Variants in HGSNAT observed in about 807,000 individuals in gnomAD.
HGSNAT encodes the protein heparan-alpha-glucosaminide N-acetyltransferase.
HGSNAT carries 59 observed loss-of-function variants against 85.2 expected under a neutral mutation model. The observed-to-expected ratio is 0.69, with a 90% confidence interval of 0.56 to 0.86. HGSNAT has a LOEUF of 0.86. Ranked by LOEUF, HGSNAT falls within the 40% of genes least tolerant of loss-of-function variation. HGSNAT has a pLI of 0.00. For missense variants in HGSNAT, 756 were observed against 777.1 expected (o/e 0.97, Z 0.32); for synonymous variants, 321 against 304.5 (o/e 1.05, Z -0.56).
rs1409770883 is a variant in HGSNAT at position 43,146,398 on chromosome 8, C to T, written c.119-550C>T. ...TCTGCATTTCTAACAAGCTGCCTGG[C>T]TACAATCGCAGCTCAGTAACGTGGT... On this transcript the variant is annotated intron_variant, in intron 1 of 17. Transcript: ENST00000379644. 3.3e-5 allele frequency among the ~76,000 whole-genome samples: 5 copies of T among 152,286 alleles called. No homozygotes were observed. The East Asian group carries it at 9.6e-4, about 29-fold the overall frequency.
chr8:43,154,709 T>G (rs1364584840), intron 2 of HGSNAT, among the ~76,000 whole-genome samples: 1 of 152,156 alleles, frequency 6.6e-6, no homozygotes, highest in Non-Finnish European at 1.5e-5. Flanking sequence ...GGTAATCCAG[T>G]AAAGGGATGG....
At chr8:43,152,881 T>C (rs1359623215) in intron 2 of HGSNAT, among the ~76,000 whole-genome samples, 1 of 152,218 alleles carries the variant, frequency 6.6e-6, no homozygotes, top group East Asian at 1.9e-4. Context: ...TTAATTTCTA[T>C]TAATATGTAA....
At position 43,194,456 on chromosome 8, in the gene HGSNAT, T is replaced by G. The variant is rs143137876; in HGVS notation, c.1464+613T>G. 2,871 of 985,362 alleles carry G rather than the reference T, an allele frequency of 2.9e-3. 6 individuals are homozygous for G. Among genetic ancestry groups the G allele is most frequent in the Admixed American group, 3.7e-3 (60 of 16,276 alleles). 61.0% of individuals were successfully genotyped at this position (985,362 alleles called of 1,614,324 possible). A position where few individuals can be genotyped will look rare whatever the true frequency, so the allele number is the denominator to read the frequency against. ...GCAGAGTGTGTGGGTATTGGTAACA[T>G]TGGGAAGTCACTGTGTCATTTGTCA... is the stretch of plus-strand genomic sequence containing the variant. On this transcript the variant is annotated intron_variant, in intron 14 of 17. Transcript: ENST00000379644.
Position 43,194,494 on chromosome 8 carries a change from G to A in HGSNAT, c.1464+651G>A, listed in dbSNP as rs1804643269. On this transcript the variant is annotated intron_variant, in intron 14 of 17. Transcript: ENST00000379644. The stretch of plus-strand genomic sequence containing the variant: ...GTGTCATTTGTCACACTTCTTTCAT[G>A]TACACTCATATTAGTCTGTGTGTCC... 3.0e-6 allele frequency: 3 copies of A among 985,320 alleles called. No homozygotes were observed. In the South Asian group the frequency reaches 1.4e-4, roughly 46 times the overall value. The allele number at this position is 985,320 out of a possible 1,614,324, so 61.0% of individuals were successfully genotyped here.
At chr8:43,165,255 G>A (rs913865011) in intron 5 of HGSNAT, among the ~76,000 whole-genome samples, 3 of 151,928 alleles carry the variant, frequency 2.0e-5, no homozygotes, top group Non-Finnish European at 4.4e-5. Context: ...GATCTTTGAT[G>A]CTCCTACTGT....
At chr8:43,185,106 T>A (rs1804262219) in intron 11 of HGSNAT, among the ~76,000 whole-genome samples, 1 of 152,230 alleles carries the variant, frequency 6.6e-6, no homozygotes, top group African/African-American at 2.4e-5. Flanking sequence ...CTTAGGATTG[T>A]CTTGGCAATG....
At chr8:43,143,520 C>A (rs1802616086) in intron 1 of HGSNAT, among the ~76,000 whole-genome samples, 1 of 151,888 alleles carries the variant, frequency 6.6e-6, no homozygotes, top group Non-Finnish European at 1.5e-5. Flanking sequence ...AATGGAGACA[C>A]CAGGAGCTAT....
rs899491993 is a variant in HGSNAT at position 43,200,514 on chromosome 8, A to C, written c.*945A>C. 12 of 152,256 alleles carry C rather than the reference A, an allele frequency of 7.9e-5. No individual in the cohort carries two copies. The highest frequency in any genetic ancestry group is 1.9e-4 in the African/African-American group (8 of 41,462). 9.4% of individuals were successfully genotyped at this position (152,256 alleles called of 1,614,324 possible). A position where few individuals can be genotyped will look rare whatever the true frequency, so the allele number is the denominator to read the frequency against. ...TCAGAAGAAATAGTTCCATTACAGA[A>C]AACTCTTCAAAATAAATAGTAGTGA... On this transcript the variant is annotated 3_prime_UTR_variant, in exon 18 of 18. Coordinates refer to ENST00000379644, the MANE Select transcript of HGSNAT (RefSeq NM_152419.3).
intron 14 of HGSNAT, among the ~76,000 whole-genome samples, chr8:43,195,323 A>C (rs1380903173): frequency 5.3e-5 from 8 of 152,164 alleles, no homozygotes; most frequent in Non-Finnish European, 1.0e-4. Flanking sequence ...TTTTATATAA[A>C]TATTATATAC....
intron 2 of HGSNAT, among the ~76,000 whole-genome samples, chr8:43,152,301 A>T (rs1424437806): frequency 6.6e-6 from 1 of 152,202 alleles, no homozygotes; most frequent in Non-Finnish European, 1.5e-5. Context: ...AAGAAAGAAA[A>T]GGGGAAATGC....
chr8:43,188,224 A>G (rs1804391816), intron 11 of HGSNAT, among the ~76,000 whole-genome samples: 1 of 152,172 alleles, frequency 6.6e-6, no homozygotes, highest in Admixed American at 6.5e-5. Context: ...CCTAGATAAT[A>G]TCCTGAAGAG....
chr8:43,140,552 G>C lies in HGSNAT; in HGVS notation c.56G>C (p.Ser19Thr). ...AALLLAASVL[S>T]AALLAPGGSS... ...CTGCTGCTGGCCGCGTCCGTGCTGA[G>C]CGCCGCGCTGCTGGCCCCCGGCGGC... Residue 19 changes from serine (S) to threonine (T), a missense_variant, in exon 1 of 18, where the codon AGC becomes ACC. By Grantham distance (58) the Ser-to-Thr change is moderately conservative. Coordinates refer to ENST00000379644, the MANE Select transcript of HGSNAT (RefSeq NM_152419.3). 1 of 1,192,794 alleles carries C rather than the reference G, an allele frequency of 8.4e-7. No individual in the cohort carries two copies. Among genetic ancestry groups the C allele is most frequent in the Non-Finnish European group, 1.0e-6 (1 of 959,766 alleles). 73.9% of individuals were successfully genotyped at this position (1,192,794 alleles called of 1,614,324 possible). A position where few individuals can be genotyped will look rare whatever the true frequency, so the allele number is the denominator to read the frequency against.
At chr8:43,150,834 A>AAAATAAATAAATAAATAAAT (rs144266684) in intron 2 of HGSNAT, among the ~76,000 whole-genome samples, 40 of 147,178 alleles carry the variant, frequency 2.7e-4, no homozygotes, top group African/African-American at 9.3e-4. Flanking sequence ...ACTCCGTTTC[A>AAAATAAATAAATAAATAAAT]AAATAAATAA....
intron 9 of HGSNAT, among the ~76,000 whole-genome samples, chr8:43,174,476 TTCTG>T (rs1228236649): frequency 2.0e-5 from 3 of 152,232 alleles, no homozygotes; most frequent in Non-Finnish European, 4.4e-5. Flanking sequence ...AGTAGCTCAA[TTCTG>T]TCTCTGATCA....
chr8:43,197,130 G>A, intron 15 of HGSNAT, 105 bp downstream of exon 15: 1 of 738,104 alleles, frequency 1.4e-6, no homozygotes, highest in African/African-American at 1.7e-5. Context: ...GTCACCACAT[G>A]GCAGCAGGTA....
At chr8:43,157,245 T>C (rs1031023037) in intron 2 of HGSNAT, among the ~76,000 whole-genome samples, 4 of 152,170 alleles carry the variant, frequency 2.6e-5, no homozygotes, top group Non-Finnish European at 5.9e-5. Flanking sequence ...AATTATTGAA[T>C]TATTTAATTT....
intron 17 of HGSNAT, among the ~76,000 whole-genome samples, chr8:43,199,156 C>T (rs1236763398): frequency 6.6e-6 from 1 of 152,222 alleles, no homozygotes; most frequent in African/African-American, 2.4e-5. Flanking sequence ...CCGCTTTGGC[C>T]TCCCAAAGTG....
At chr8:43,181,977 G>A (rs144779087) in intron 10 of HGSNAT, 168 bp from the exon 11 acceptor site, 3 of 639,734 alleles carry the variant, frequency 4.7e-6, no homozygotes, top group Non-Finnish European at 8.4e-6. Flanking sequence ...TGGAAGCTGG[G>A]CTGAGCCCAT....
intron 1 of HGSNAT, among the ~76,000 whole-genome samples, chr8:43,146,239 C>T (rs1337880972): frequency 1.3e-5 from 2 of 152,074 alleles, no homozygotes; most frequent in African/African-American, 4.8e-5. Flanking sequence ...GTCTGCTTAC[C>T]CCTCTCCGAT....
Sources: gnomAD v4.1 joint callset for allele counts (sites outside exome capture counted in the v4.1 genomes callset) on GRCh38, gnomAD v4.1.1 for gene constraint, MANE v1.5 for transcripts, NCBI Gene and HGNC (gene_info 2026-07-23, HGNC 2026-07-21) for gene names.